Variants in NF1 observed in about 807,000 individuals in gnomAD.
The protein encoded by NF1 is neurofibromin 1, also known as neurofibromin.
In NF1, 122 loss-of-function variants were observed where a neutral mutation model predicts 325.7. The observed-to-expected ratio is 0.37, with a 90% CI of 0.32 to 0.44. The LOEUF (loss-of-function observed/expected upper bound fraction) is 0.44. Ranked by LOEUF, NF1 falls within the 20% of genes least tolerant of loss-of-function variation. The pLI, the probability that NF1 is intolerant of heterozygous loss-of-function variation, is 1.00. For synonymous variants in NF1, 1,091 were observed against 1,186.0 expected (o/e 0.92, Z 1.65); for missense variants, 2,140 against 3,415.4 (o/e 0.63, Z 9.31).
At chr17:31,175,170 G>C (rs188863549) in intron 5 of NF1, among the ~76,000 whole-genome samples, 1 of 148,398 alleles carries the variant, frequency 6.7e-6, no homozygotes, top group Non-Finnish European at 1.5e-5. Context: ...GGGATACTAT[G>C]GAAAAGAACA....
intron 11 of NF1, among the ~76,000 whole-genome samples, chr17:31,203,403 A>G (rs2143897710): frequency 6.6e-6 from 1 of 152,358 alleles, no homozygotes; most frequent in Middle Eastern, 3.4e-3. Context: ...ATATTAGTTC[A>G]AAGTATCTTT....
intron 36 of NF1, among the ~76,000 whole-genome samples, chr17:31,284,610 G>A (rs1372687040): frequency 6.6e-6 from 1 of 151,538 alleles, no homozygotes; most frequent in East Asian, 2.0e-4. Context: ...TTATAGAGAC[G>A]GGGTTTCGCT....
At chr17:31,217,935 G>A (rs1317469621) in intron 13 of NF1, among the ~76,000 whole-genome samples, 1 of 77,274 alleles carries the variant, frequency 1.3e-5, no homozygotes. Flanking sequence ...ATTGCACTCC[G>A]TTTCAAAAAA....
At chr17:31,133,305 A>G (rs1314289263) in intron 1 of NF1, 1 of 152,218 alleles carries the variant, frequency 6.6e-6, no homozygotes, top group Non-Finnish European at 1.5e-5. Context: ...TCCACATTGC[A>G]GCATATGTCA....
chr17:31,308,014 G>A (rs946957140), intron 36 of NF1: 3 of 913,794 alleles, frequency 3.3e-6, no homozygotes, highest in Non-Finnish European at 1.5e-6. Flanking sequence ...AATAATTCAA[G>A]CCTGAATTTT....
At chr17:31,274,006 A>G (rs2067954216) in intron 36 of NF1, among the ~76,000 whole-genome samples, 1 of 152,218 alleles carries the variant, frequency 6.6e-6, no homozygotes, top group Admixed American at 6.5e-5. Context: ...ACATATGTTT[A>G]TAGGGCAGTT....
At chr17:31,210,159 G>A (rs1158964321) in intron 12 of NF1, among the ~76,000 whole-genome samples, 5 of 152,196 alleles carry the variant, frequency 3.3e-5, no homozygotes, top group Non-Finnish European at 5.9e-5. Context: ...CTTGATGAAA[G>A]CAGTAGCTTT....
At chr17:31,100,731 A>G (rs889016617) in intron 1 of NF1, among the ~76,000 whole-genome samples, 1 of 151,972 alleles carries the variant, frequency 6.6e-6, no homozygotes, top group African/African-American at 2.4e-5. Flanking sequence ...CACCACGCCC[A>G]GCTAATTTTG....
At chr17:31,206,169 A>G (rs191180699) in intron 11 of NF1, 71 bp from the exon 12 acceptor site, 3 of 1,548,798 alleles carry the variant, frequency 1.9e-6, no homozygotes, top group Admixed American at 1.7e-5. Context: ...TTAAAACTAC[A>G]GTGATAAACA....
chr17:31,358,641 A>G lies in NF1; in HGVS notation c.8113+19A>G. On this transcript the variant is annotated intron_variant, in intron 55 of 57. Coordinates refer to ENST00000358273, the MANE Select transcript of NF1 (RefSeq NM_001042492.3). ...CTGCAAAGTAAATAAATGTATCTGG[A>G]GAAGGATGGTTGATGAACTTGCTAA... is the stretch of plus-strand genomic sequence containing the variant. The G allele has an allele frequency of 6.2e-7, 1 of 1,613,930 alleles. No individual in the cohort carries two copies. The highest frequency in any genetic ancestry group is 8.5e-7 in the Non-Finnish European group (1 of 1,179,886).
intron 36 of NF1, among the ~76,000 whole-genome samples, chr17:31,273,099 G>A (rs372261101): frequency 6.6e-6 from 1 of 152,282 alleles, no homozygotes; most frequent in South Asian, 2.1e-4. Flanking sequence ...GAGTAGGGTA[G>A]GGGCAAAGAC....
chr17:31,317,146 C>A (rs938291389), intron 36 of NF1, among the ~76,000 whole-genome samples: 1 of 151,874 alleles, frequency 6.6e-6, no homozygotes, highest in East Asian at 1.9e-4. Context: ...CTATATTGCC[C>A]GAAATAAATG....
chr17:31,168,313 A>G (rs573390650), intron 4 of NF1, among the ~76,000 whole-genome samples: 2 of 152,294 alleles, frequency 1.3e-5, no homozygotes, highest in East Asian at 3.9e-4. Flanking sequence ...TTCAGTATAT[A>G]TCTCTAATAA....
At chr17:31,175,424 A>ACTG (rs1437336094) in intron 5 of NF1, among the ~76,000 whole-genome samples, 3 of 136,826 alleles carry the variant, frequency 2.2e-5, no homozygotes, top group Non-Finnish European at 1.5e-5. Flanking sequence ...ATTATAGTAC[A>ACTG]CTGTAGCCTT....
chr17:31,191,995 A>G (rs2066350490), intron 8 of NF1, among the ~76,000 whole-genome samples: 1 of 152,132 alleles, frequency 6.6e-6, no homozygotes, highest in Non-Finnish European at 1.5e-5. Flanking sequence ...CTTTTTGTAT[A>G]TTCAGAGCAG....
At chr17:31,303,201 C>T (rs912843288) in intron 36 of NF1, among the ~76,000 whole-genome samples, 1 of 152,052 alleles carries the variant, frequency 6.6e-6, no homozygotes, top group African/African-American at 2.4e-5. Flanking sequence ...CTTGTTTCCC[C>T]CTGGAGTTAG....
At chr17:31,252,534 A>C (rs2067513133) in intron 30 of NF1, 1 of 218,738 alleles carries the variant, frequency 4.6e-6, no homozygotes, top group Admixed American at 5.5e-5. Flanking sequence ...GAAGAATTTT[A>C]CATACCAAGA....
At chr17:31,337,706 G>A in intron 43 of NF1, 113 bp from the exon 44 acceptor site, 1 of 1,386,770 alleles carries the variant, frequency 7.2e-7, no homozygotes, top group Non-Finnish European at 1.0e-6. Flanking sequence ...AAAAACACTT[G>A]CATGGACTGT....
chr17:31,167,252 A>G (rs2065861135), intron 4 of NF1, among the ~76,000 whole-genome samples: 1 of 152,208 alleles, frequency 6.6e-6, no homozygotes, highest in South Asian at 2.1e-4. Flanking sequence ...GCAGCTGTGG[A>G]ATTTTTAGCA....
Sources: allele counts gnomAD v4.1 joint callset (sites outside exome capture counted in the v4.1 genomes callset), GRCh38; gene constraint gnomAD v4.1.1; transcripts MANE v1.5; gene names NCBI Gene and HGNC (gene_info 2026-07-23, HGNC 2026-07-21).